Variants in DUSP19 observed in about 807,000 individuals in gnomAD.
DUSP19 encodes the protein dual specificity protein phosphatase 19.
DUSP19 carries 14 observed loss-of-function variants against 16.6 expected under a neutral mutation model. The ratio of observed to expected loss-of-function variants is 0.84; its 90% confidence interval spans 0.56 to 1.32. DUSP19 has a LOEUF of 1.32. Ranked by LOEUF, DUSP19 falls within the 40% of genes most tolerant of loss-of-function variation. DUSP19 has a pLI of 0.00. For missense variants in DUSP19, 258 were observed against 255.9 expected (o/e 1.01, Z -0.06); for synonymous variants, 81 against 90.5 (o/e 0.90, Z 0.59).
chr2:183,090,790 G>A (rs1204313475), intron 3 of DUSP19, among the ~76,000 whole-genome samples: 1 of 152,110 alleles, frequency 6.6e-6, no homozygotes, highest in Non-Finnish European at 1.5e-5. Flanking sequence ...CCCAGACAGC[G>A]GGCTGGGAGG....
At chr2:183,084,405 C>T (rs188955350) in intron 2 of DUSP19, among the ~76,000 whole-genome samples, 51 of 148,606 alleles carry the variant, frequency 3.4e-4, no homozygotes, top group African/African-American at 9.8e-4. Flanking sequence ...CCAGACTGGG[C>T]GACAAAGCAA....
Position 183,099,018 on chromosome 2 carries a change from C to G in DUSP19, c.*3360C>G, listed in dbSNP as rs1230613746. On this transcript the variant is annotated 3_prime_UTR_variant, in exon 4 of 4. Coordinates refer to ENST00000354221, the MANE Select transcript of DUSP19 (RefSeq NM_080876.4). The stretch of plus-strand genomic sequence containing the variant: ...TTTTCTTCCCTTCTTCCCTATTGAA[C>G]CTTGATTAAAATGTATGAATACAAT... The G allele has an allele frequency of 6.6e-6, 1 of 150,634 alleles. No individual in the cohort carries two copies. The highest frequency in any genetic ancestry group is 1.5e-5 in the Non-Finnish European group (1 of 67,786). The allele number at this position is 150,634 out of a possible 1,614,324, so 9.3% of individuals were successfully genotyped here.
chr2:183,079,296 G>A (rs1396530223), intron 1 of DUSP19, 137 bp downstream of exon 1: 3 of 864,730 alleles, frequency 3.5e-6, no homozygotes, highest in African/African-American at 3.4e-5. Flanking sequence ...TTTGGATATG[G>A]AACTTCCATT....
chr2:183,080,832 T>C lies in DUSP19; in HGVS notation c.226+1673T>C, dbSNP rs182199204. ...TCATCAGGAGCAACCTCCTCCCTTC[T>C]GAAAGCTCACCTTTTTCTGCCTAAT... On this transcript the variant is annotated intron_variant, in intron 1 of 3. Transcript: ENST00000354221. 2.6e-5 allele frequency among the ~76,000 whole-genome samples: 4 copies of C among 152,366 alleles called. No homozygotes were observed. The East Asian group carries it at 7.7e-4, about 29-fold the overall frequency.
At chr2:183,083,259 A>G (rs1365475101) in intron 1 of DUSP19, 12 of 397,334 alleles carry the variant, frequency 3.0e-5, no homozygotes, top group Non-Finnish European at 4.5e-5. Context: ...AAACAATACT[A>G]TGGTGAACAT....
chr2:183,089,250 C>A (rs1699701870), intron 3 of DUSP19, among the ~76,000 whole-genome samples: 3 of 152,282 alleles, frequency 2.0e-5, no homozygotes, highest in Admixed American at 2.0e-4. Context: ...GGGCTCATTT[C>A]ACAGTGAGCT....
intron 1 of DUSP19, among the ~76,000 whole-genome samples, chr2:183,082,565 A>G (rs983125759): frequency 2.0e-5 from 3 of 151,644 alleles, no homozygotes; most frequent in African/African-American, 7.3e-5. Context: ...CTGGGATTAC[A>G]GGCATGCACC....
In DUSP19 at chr2:183,097,783, T is replaced by A. The variant is rs1699822299; in HGVS notation, c.*2125T>A. ...TGTATTTAAATACATTTTATTTTGC[T>A]AAATCCTGTTTAGTTTTCAGCCATT... On this transcript the variant is annotated 3_prime_UTR_variant, in exon 4 of 4. Transcript: ENST00000354221. The A allele has an allele frequency of 6.6e-6, 1 of 152,238 alleles. No individual in the cohort carries two copies. Among genetic ancestry groups the A allele is most frequent in the Admixed American group, 6.5e-5 (1 of 15,278 alleles). The allele number at this position is 152,238 out of a possible 1,614,324, so 9.4% of individuals were successfully genotyped here. A position where few individuals can be genotyped will look rare whatever the true frequency, so the allele number is the denominator to read the frequency against.
In DUSP19 at chr2:183,097,368, A is replaced by G. The variant is rs1045262544; in HGVS notation, c.*1710A>G. On this transcript the variant is annotated 3_prime_UTR_variant, in exon 4 of 4. Transcript: ENST00000354221. ...AGTTTTTCATGACTTAGAAGATATC[A>G]TTGCCATGTAGGTTTTATTTTTAAA... The G allele has an allele frequency of 2.0e-5, 3 of 152,176 alleles. No homozygotes were observed. Among genetic ancestry groups the G allele is most frequent in the African/African-American group, 7.2e-5 (3 of 41,452 alleles). The allele number at this position is 152,176 out of a possible 1,614,324, so 9.4% of individuals were successfully genotyped here. A position where few individuals can be genotyped will look rare whatever the true frequency, so the allele number is the denominator to read the frequency against.
At position 183,092,138 on chromosome 2, in the gene DUSP19, A is replaced by G. The variant is rs527446108; in HGVS notation, c.427-3293A>G. 3.9e-5 allele frequency among the ~76,000 whole-genome samples: 6 copies of G among 152,308 alleles called. 1 individual carries two copies. The highest frequency in any genetic ancestry group is 1.4e-4 in the African/African-American group (6 of 41,578). ...ACCCCACCCAAACGCTGAACTAAGGAGTATATTTTTAGTGACAATTGATTT... is the reference window on the plus strand; with the variant it reads ...ACCCCACCCAAACGCTGAACTAAGGGGTATATTTTTAGTGACAATTGATTT... On this transcript the variant is annotated intron_variant, in intron 3 of 3. Transcript: ENST00000354221.
intron 3 of DUSP19, among the ~76,000 whole-genome samples, chr2:183,088,271 A>G (rs529158379): frequency 1.3e-5 from 2 of 152,268 alleles, no homozygotes; most frequent in South Asian, 4.1e-4. Context: ...GCACTCTGTG[A>G]TGTTTACACC....
chr2:183,078,856 C>CA lies in DUSP19; in HGVS notation c.-76dup. 7.4e-7 allele frequency: 1 copy of CA among 1,342,874 alleles called. No individual in the cohort carries two copies. Among genetic ancestry groups the CA allele is most frequent in the Non-Finnish European group, 1.0e-6 (1 of 967,270 alleles). The allele number at this position is 1,342,874 out of a possible 1,614,324, so 83.2% of individuals were successfully genotyped here. On this transcript the variant is annotated 5_prime_UTR_variant, in exon 1 of 4. Transcript: ENST00000354221. ...TCTGAGGCTGGCTTTGTTACCTGGG[C>CA]AATAAGGGACTAGCAGTTCAGCCGT...
chr2:183,079,589 C>A (rs1699566404), intron 1 of DUSP19, among the ~76,000 whole-genome samples: 1 of 152,182 alleles, frequency 6.6e-6, no homozygotes, highest in Non-Finnish European at 1.5e-5. Flanking sequence ...TGCTTGCTGG[C>A]CTGCGCAGCT....
At chr2:183,081,896 A>T (rs1699596221) in intron 1 of DUSP19, among the ~76,000 whole-genome samples, 1 of 152,212 alleles carries the variant, frequency 6.6e-6, no homozygotes, top group Non-Finnish European at 1.5e-5. Flanking sequence ...TTAAAAAAAA[A>T]AAAAGTTTAT....
intron 3 of DUSP19, among the ~76,000 whole-genome samples, chr2:183,088,505 C>T (rs1169407648): frequency 6.7e-6 from 1 of 149,184 alleles, no homozygotes; most frequent in Non-Finnish European, 1.5e-5. Flanking sequence ...TCACTGCAAC[C>T]TCCGCCTCTC....
rs201526202 is a variant in DUSP19 at position 183,095,567 on chromosome 2, G to T, written c.563G>T (p.Cys188Phe). The change falls in exon 4 of 4, where the codon TGT becomes TTT. Residue 188 changes from cysteine (C) to phenylalanine (F), a missense_variant. Coordinates refer to ENST00000354221, the MANE Select transcript of DUSP19 (RefSeq NM_080876.4). Reference sequence around the variant, plus strand: ...GTGAAAAATGCAAGACCTTCCATATGTCCAAATTCTGGCTTCATGGAGCAG... The same window carrying T: ...GTGAAAAATGCAAGACCTTCCATATTTCCAAATTCTGGCTTCATGGAGCAG... ...SLVKNARPSI[C>F]PNSGFMEQLR... is the part of the protein sequence containing the mutation. 57 of 1,613,918 alleles carry T rather than the reference G, an allele frequency of 3.5e-5. No individual in the cohort carries two copies. Among genetic ancestry groups the T allele is most frequent in the Admixed American group, 2.5e-4 (15 of 60,000 alleles).
chr2:183,085,645 C>G (rs1246371326), intron 2 of DUSP19, among the ~76,000 whole-genome samples: 1 of 150,706 alleles, frequency 6.6e-6, no homozygotes, highest in Non-Finnish European at 1.5e-5. Context: ...GAGCTTTGAG[C>G]ATGTTTTAAG....
rs567353601 is a variant in DUSP19, at chr2:183,083,079, T to A, written c.227-429T>A. ...ACCATGCCTGGCTAATTAAAAAAAA[T>A]TTTTTTTCTATAGACAGGGTCTCAC... On this transcript the variant is annotated intron_variant, in intron 1 of 3. Transcript: ENST00000354221. Among the ~76,000 whole-genome samples, 245 of 137,324 alleles carry A rather than the reference T, an allele frequency of 1.8e-3. 2 individuals carry two copies. The highest frequency in any genetic ancestry group is 3.4e-3 in the Non-Finnish European group (201 of 58,684). The allele number at this position is 137,324 out of a possible 152,430, so 90.1% of individuals were successfully genotyped here.
chr2:183,093,560 A>G (rs1699758898), intron 3 of DUSP19, among the ~76,000 whole-genome samples: 1 of 152,244 alleles, frequency 6.6e-6, no homozygotes, highest in African/African-American at 2.4e-5. Flanking sequence ...TATAAAGCCA[A>G]TAATTTCTCT....
Sources: allele counts gnomAD v4.1 joint callset (sites outside exome capture counted in the v4.1 genomes callset), GRCh38; gene constraint gnomAD v4.1.1; transcripts MANE v1.5; gene names NCBI Gene and HGNC (gene_info 2026-07-23, HGNC 2026-07-21).